The following PTPRN2 variants were observed in gnomAD, a reference collection of about 807,000 sequenced individuals.
The protein encoded by PTPRN2 is protein tyrosine phosphatase receptor type N2, also known as receptor-type tyrosine-protein phosphatase N2.
In PTPRN2, 74 loss-of-function variants were observed where a neutral mutation model predicts 118.8. The observed-to-expected ratio is 0.62, with a 90% CI of 0.52 to 0.76. The LOEUF (loss-of-function observed/expected upper bound fraction) is 0.76, where lower values mean the gene tolerates loss of function less well. PTPRN2 is among the 30% of genes least tolerant of loss of function. PTPRN2 has a pLI of 0.00. For synonymous variants in PTPRN2, 641 were observed against 608.0 expected, an observed-to-expected ratio of 1.05 and a Z score of -0.80; for missense variants, 1,481 against 1,394.4, an observed-to-expected ratio of 1.06 and a Z score of -0.99.
chr7:157,642,822 A>G (rs7799859), intron 14 of PTPRN2, among the ~76,000 whole-genome samples: 72 of 135,650 alleles, frequency 5.3e-4, no homozygotes, highest in African/African-American at 2.0e-3. Context: ...AGCAAAAAAA[A>G]AAAAAAAAAA....
At chr7:158,551,694 G>GA (rs1441451087) in intron 1 of PTPRN2, among the ~76,000 whole-genome samples, 32 of 66,206 alleles carry the variant, frequency 4.8e-4, no homozygotes, top group East Asian at 8.2e-4. Flanking sequence ...ATTGCATCAG[G>GA]GTGGGGCTCT....
At chr7:158,353,458 A>G (rs1384066757) in intron 2 of PTPRN2, among the ~76,000 whole-genome samples, 1 of 152,178 alleles carries the variant, frequency 6.6e-6, no homozygotes, top group Non-Finnish European at 1.5e-5. Context: ...ACCTAAAACC[A>G]TCTGCTGTCT....
At chr7:158,166,796 C>T (rs531775245) in intron 6 of PTPRN2, 135 bp downstream of exon 6, 3 of 1,179,584 alleles carry the variant, frequency 2.5e-6, no homozygotes, top group South Asian at 2.6e-5. Context: ...CATGGTGCCC[C>T]ATTCCTGCCA....
intron 11 of PTPRN2, among the ~76,000 whole-genome samples, chr7:157,998,393 C>A (rs1251632415): frequency 6.6e-6 from 1 of 152,178 alleles, no homozygotes; most frequent in African/African-American, 2.4e-5. Context: ...CGCCATCCAT[C>A]CGCTGAGGAC....
At chr7:158,201,035 T>C (rs972532413) in intron 4 of PTPRN2, among the ~76,000 whole-genome samples, 4 of 149,920 alleles carry the variant, frequency 2.7e-5, no homozygotes, top group African/African-American at 9.9e-5. Flanking sequence ...AAAAATCATG[T>C]TACAAGGGTG....
intron 11 of PTPRN2, among the ~76,000 whole-genome samples, chr7:158,074,957 G>A (rs1258695170): frequency 6.6e-6 from 1 of 152,238 alleles, no homozygotes; most frequent in Non-Finnish European, 1.5e-5. Context: ...GTATCCCCGA[G>A]TGTCCCCCAC....
intron 11 of PTPRN2, among the ~76,000 whole-genome samples, chr7:157,975,240 T>C (rs898621774): frequency 6.6e-6 from 1 of 152,152 alleles, no homozygotes; most frequent in Non-Finnish European, 1.5e-5. Flanking sequence ...GTCCACCCCA[T>C]GATTCCAACC....
intron 10 of PTPRN2, among the ~76,000 whole-genome samples, chr7:158,090,445 G>A (rs1459763361): frequency 1.3e-5 from 2 of 152,200 alleles, no homozygotes; most frequent in Non-Finnish European, 2.9e-5. Context: ...ACATAGATAA[G>A]AGATCATTTC....
At chr7:158,306,887 G>A (rs866056109) in intron 3 of PTPRN2, among the ~76,000 whole-genome samples, 71 of 95,676 alleles carry the variant, frequency 7.4e-4, no homozygotes, top group African/African-American at 3.1e-3. Flanking sequence ...TTTTTTTTTA[G>A]ACAGAGTCTT....
intron 11 of PTPRN2, among the ~76,000 whole-genome samples, chr7:157,928,106 T>C (rs978951772): frequency 1.3e-5 from 2 of 152,158 alleles, no homozygotes; most frequent in Admixed American, 6.5e-5. Flanking sequence ...TGCAGCACTT[T>C]ATGTGAATTC....
At chr7:157,871,552 C>G (rs540907197) in intron 12 of PTPRN2, among the ~76,000 whole-genome samples, 1 of 152,058 alleles carries the variant, frequency 6.6e-6, no homozygotes, top group Non-Finnish European at 1.5e-5. Context: ...TTGGCCGACA[C>G]CACCCCAGGG....
chr7:157,915,363 T>C (rs1798334800), intron 11 of PTPRN2, among the ~76,000 whole-genome samples: 1 of 152,162 alleles, frequency 6.6e-6, no homozygotes, highest in Non-Finnish European at 1.5e-5. Context: ...GTTGTGGCTG[T>C]CCAGGCAGCA....
At chr7:157,850,228 C>T (rs1033454904) in intron 12 of PTPRN2, among the ~76,000 whole-genome samples, 6 of 152,072 alleles carry the variant, frequency 3.9e-5, no homozygotes, top group Admixed American at 2.0e-4. Context: ...TTCCGAAGTG[C>T]GGAGCCTCAG....
At chr7:158,515,676 G>A (rs930562049) in intron 1 of PTPRN2, among the ~76,000 whole-genome samples, 4 of 151,896 alleles carry the variant, frequency 2.6e-5, no homozygotes, top group East Asian at 3.9e-4. Context: ...CTTCCCCATC[G>A]GCCTCTGCAA....
Position 158,332,027 on chromosome 7 carries a change from T to C in PTPRN2, c.164-15095A>G, listed in dbSNP as rs1401102422. Among the ~76,000 whole-genome samples, 7 of 151,128 alleles carry C rather than the reference T, an allele frequency of 4.6e-5. No individual in the cohort carries two copies. In the South Asian group the frequency reaches 1.2e-3, roughly 27 times the overall value. ...AAGAGCTGACAACCGCAAACGTCACTGACACCCACACTCTAACGATAAGAG... is the reference window on the plus strand; with the variant it reads ...AAGAGCTGACAACCGCAAACGTCACCGACACCCACACTCTAACGATAAGAG... On this transcript the variant is annotated intron_variant, in intron 2 of 22. Transcript: ENST00000389418.
intron 3 of PTPRN2, among the ~76,000 whole-genome samples, chr7:158,312,706 C>T (rs371111985): frequency 8.5e-5 from 9 of 105,888 alleles, no homozygotes; most frequent in South Asian, 4.0e-4. Flanking sequence ...CACTCATTCA[C>T]GTGCTCACAT....
chr7:158,117,388 GAAGAA>G lies in PTPRN2; in HGVS notation c.1557-6478_1557-6474del, dbSNP rs201465395. ...AGTCTAAGAAATAGAAAAAAAGATTGAAGAAAAGTGACAAAACCCTAAGGGACATG... is the reference window on the plus strand; with the variant it reads ...AGTCTAAGAAATAGAAAAAAAGATTGAAGTGACAAAACCCTAAGGGACATG... On this transcript the variant is annotated intron_variant, in intron 9 of 22. Coordinates refer to ENST00000389418, the MANE Select transcript of PTPRN2 (RefSeq NM_002847.5). 1.6e-3 allele frequency among the ~76,000 whole-genome samples: 248 copies of G among 152,196 alleles called. 2 individuals carry two copies. In the East Asian group the frequency reaches 0.021, roughly 13 times the overall value.
intron 1 of PTPRN2, among the ~76,000 whole-genome samples, chr7:158,510,917 G>A (rs1205591951): frequency 3.9e-5 from 6 of 152,246 alleles, no homozygotes; most frequent in Non-Finnish European, 7.3e-5. Flanking sequence ...TGTCGTCGAG[G>A]AGGCCCAAGG....
At chr7:158,283,591 C>T (rs995535072) in intron 3 of PTPRN2, among the ~76,000 whole-genome samples, 2 of 152,134 alleles carry the variant, frequency 1.3e-5, no homozygotes, top group South Asian at 2.1e-4. Context: ...GGCCACCCGC[C>T]GGGGTCACAG....
Sources: gnomAD v4.1 joint callset for allele counts (sites outside exome capture counted in the v4.1 genomes callset) on GRCh38, gnomAD v4.1.1 for gene constraint, MANE v1.5 for transcripts, NCBI Gene and HGNC (gene_info 2026-07-23, HGNC 2026-07-21) for gene names.